Variants in GLP2R observed in about 807,000 individuals in gnomAD.
GLP2R encodes the protein glucagon-like peptide 2 receptor.
Under a neutral mutation model 68.2 loss-of-function variants are expected in GLP2R, and 59 were observed. The ratio of observed to expected loss-of-function variants is 0.87; its 90% CI spans 0.70 to 1.07. The LOEUF (loss-of-function observed/expected upper bound fraction) is 1.07. Among genes scored for constraint, GLP2R ranks in the 50% least tolerant of loss-of-function variants. The probability of loss-of-function intolerance (pLI) is 0.00; values close to 1 mark genes in which losing one functional copy is unlikely to be tolerated. For missense variants in GLP2R, 548 were observed against 677.4 expected (o/e 0.81, Z 2.12); for synonymous variants, 270 against 265.4 (o/e 1.02, Z -0.17).
At chr17:9,840,222 G>A (rs941171441) in intron 3 of GLP2R, among the ~76,000 whole-genome samples, 3 of 152,114 alleles carry the variant, frequency 2.0e-5, no homozygotes, top group Non-Finnish European at 2.9e-5. Flanking sequence ...TGAACCTCCC[G>A]CCTTGGCCTC....
At chr17:9,868,411 T>A (rs2067060764) in intron 9 of GLP2R, among the ~76,000 whole-genome samples, 1 of 152,138 alleles carries the variant, frequency 6.6e-6, no homozygotes, top group East Asian at 1.9e-4. Flanking sequence ...GAAGCTGGGG[T>A]AACAAGAAAG....
intron 6 of GLP2R, among the ~76,000 whole-genome samples, chr17:9,858,175 T>C (rs185969163): frequency 6.6e-6 from 1 of 152,294 alleles, no homozygotes; most frequent in East Asian, 1.9e-4. Flanking sequence ...CCACAGGGGG[T>C]CCTAGAAACA....
intron 1 of GLP2R, among the ~76,000 whole-genome samples, chr17:9,827,665 C>T (rs1030984617): frequency 6.6e-6 from 1 of 152,068 alleles, no homozygotes; most frequent in African/African-American, 2.4e-5. Flanking sequence ...ACGAAAGTAG[C>T]TTAAGGAATG....
chr17:9,857,129 C>T (rs956400767), intron 5 of GLP2R, among the ~76,000 whole-genome samples: 1 of 152,140 alleles, frequency 6.6e-6, no homozygotes, highest in Non-Finnish European at 1.5e-5. Context: ...ACCATGTTGG[C>T]CAGGGTGGTC....
At chr17:9,846,299 GGGGCGATACCACA>G (rs1296316117) in intron 4 of GLP2R, among the ~76,000 whole-genome samples, 1 of 152,084 alleles carries the variant, frequency 6.6e-6, no homozygotes, top group African/African-American at 2.4e-5. Context: ...GGGTAGATAT[GGGGCGATACCACA>G]TAAAGTTTAA....
chr17:9,826,262 G>A lies in GLP2R; in HGVS notation c.189+10G>A. ...GGTTTCCATCAAGCAAGTAAGAGCA[G>A]TTCATTATTATTATTATTATCAGTT... is the stretch of plus-strand genomic sequence containing the variant. On this transcript the variant is annotated intron_variant, in intron 1 of 12. Coordinates refer to ENST00000262441, the MANE Select transcript of GLP2R (RefSeq NM_004246.3). 2.0e-6 allele frequency: 3 copies of A among 1,535,306 alleles called. No individual in the cohort carries two copies. The highest frequency in any genetic ancestry group is 2.6e-6 in the Non-Finnish European group (3 of 1,144,064).
chr17:9,874,666 AC>A (rs558410454), intron 10 of GLP2R, among the ~76,000 whole-genome samples: 1 of 152,168 alleles, frequency 6.6e-6, no homozygotes, highest in Non-Finnish European at 1.5e-5. Context: ...AGCTGAGCTC[AC>A]AATATATATA....
chr17:9,828,489 G>T (rs55881191), intron 1 of GLP2R, among the ~76,000 whole-genome samples: 36,633 of 152,174 alleles, frequency 0.24, 5,635 homozygotes, highest in Non-Finnish European at 0.35. Context: ...GCCAAGCCCT[G>T]AGACAGCGCT....
Position 9,842,501 on chromosome 17 carries a change from C to T in GLP2R, c.389C>T (p.Ser130Leu). Residue 130 changes from serine to leucine, a missense_variant, in exon 4 of 13, where the codon TCA becomes TTA. Physicochemically the swap from Ser to Leu is moderately radical, Grantham distance 145 (BLOSUM62 -2). Coordinates refer to ENST00000262441, the MANE Select transcript of GLP2R (RefSeq NM_004246.3). Reference protein sequence around the residue: ...SYLPWWSEESSGRAYRHCLAQ... With the variant: ...SYLPWWSEESLGRAYRHCLAQ... ...GAGCTTTGTTTACTTTCAGAGAGCT[C>T]AGGAAGGGCCTACAGACACTGCTTG... 1 of 1,614,112 alleles carries T rather than the reference C, an allele frequency of 6.2e-7. No individual in the cohort carries two copies. Among genetic ancestry groups the T allele is most frequent in the Non-Finnish European group, 8.5e-7 (1 of 1,180,016 alleles).
intron 8 of GLP2R, 108 bp downstream of exon 8, chr17:9,861,307 T>C (rs2066985561): frequency 1.3e-6 from 1 of 768,562 alleles, no homozygotes; most frequent in Non-Finnish European, 2.3e-6. Context: ...TCCCTTCTCA[T>C]TTTGGCCATC....
chr17:9,836,240 A>G (rs1175231462), intron 2 of GLP2R, 131 bp from the exon 3 acceptor site: 8 of 659,286 alleles, frequency 1.2e-5, no homozygotes, highest in Admixed American at 4.7e-5. Flanking sequence ...TGGGGCACCC[A>G]TGCTGGTTTC....
rs1486994283 is a variant in GLP2R, at chr17:9,859,943, T to C, written c.767T>C (p.Met256Thr). 2 of 1,600,072 alleles carry C rather than the reference T, an allele frequency of 1.2e-6. No homozygotes were observed. The highest frequency in any genetic ancestry group is 1.7e-6 in the Non-Finnish European group (2 of 1,172,956). Residue 256 changes from methionine to threonine, a missense_variant and splice_region_variant, in exon 7 of 13, where the codon ATG (methionine) becomes ACG (threonine). Met to Thr is a moderately conservative substitution (Grantham distance 81, BLOSUM62 -1). Transcript: ENST00000262441. ...CCTCAGGTGTTTTTTCCTCTGCAGA[T>C]GTCCACCTCCTGCCGCTCAGTCCAG... is the stretch of plus-strand genomic sequence containing the variant. Reference protein sequence around the residue: ...ENGWMSYLSEMSTSCRSVQVL... With the variant: ...ENGWMSYLSETSTSCRSVQVL...
At chr17:9,838,186 G>C (rs899181118) in intron 3 of GLP2R, among the ~76,000 whole-genome samples, 1 of 152,104 alleles carries the variant, frequency 6.6e-6, no homozygotes, top group African/African-American at 2.4e-5. Context: ...AAGAGCACTG[G>C]GTGTGGAGTC....
intron 7 of GLP2R, among the ~76,000 whole-genome samples, chr17:9,860,457 T>C (rs551707099): frequency 6.6e-6 from 1 of 152,266 alleles, no homozygotes; most frequent in East Asian, 1.9e-4. Context: ...TTCTGGAGGG[T>C]GGGAAGTTCA....
rs1018593156 is a variant in GLP2R, at chr17:9,891,402, A to C, written c.*1697A>C. ...ACAAATTAACAAACTACAGCCCATGAGCCATTTATAGAAATGAAATTTGAT... is the reference window on the plus strand; with the variant it reads ...ACAAATTAACAAACTACAGCCCATGCGCCATTTATAGAAATGAAATTTGAT... On this transcript the variant is annotated 3_prime_UTR_variant, in exon 13 of 13. Transcript: ENST00000262441. The C allele has an allele frequency of 6.6e-6, 1 of 152,218 alleles. No individual in the cohort carries two copies. The highest frequency in any genetic ancestry group is 2.4e-5 in the African/African-American group (1 of 41,452). The allele number at this position is 152,218 out of a possible 1,614,324, so 9.4% of individuals were successfully genotyped here. A position where few individuals can be genotyped will look rare whatever the true frequency, so the allele number is the denominator to read the frequency against.
intron 10 of GLP2R, among the ~76,000 whole-genome samples, chr17:9,879,267 AAAATAAAATAAAATAAAATAAAAT>A (rs1451971020): frequency 0.15 from 2,805 of 18,220 alleles, 169 homozygotes; most frequent in African/African-American, 0.42. Flanking sequence ...AAAATAAAAT[AAAATAAAATAAAATAAAATAAAAT>A]AAATAAAATA....
intron 9 of GLP2R, 39 bp downstream of exon 9, chr17:9,862,129 A>G (rs1470255545): frequency 1.3e-6 from 2 of 1,486,172 alleles, no homozygotes; most frequent in East Asian, 2.3e-5. Context: ...CTCGGAGCCT[A>G]GCAGCTGTGG....
At chr17:9,858,062 C>T (rs1050818138) in intron 6 of GLP2R, among the ~76,000 whole-genome samples, 1 of 152,136 alleles carries the variant, frequency 6.6e-6, no homozygotes, top group Non-Finnish European at 1.5e-5. Context: ...GTATTACAAG[C>T]AATCTAGCGA....
rs535154980 is a variant in GLP2R at position 9,834,031 on chromosome 17, G to T, written c.277+137G>T. On this transcript the variant is annotated intron_variant, in intron 2 of 12. Coordinates refer to ENST00000262441, the MANE Select transcript of GLP2R (RefSeq NM_004246.3). ...ATTCAGACAGGGCACACTGGGGATGGCTTGTTTCCGCTCTGTAATGTCTAG... is the reference window on the plus strand; with the variant it reads ...ATTCAGACAGGGCACACTGGGGATGTCTTGTTTCCGCTCTGTAATGTCTAG... The T allele has an allele frequency of 8.5e-6, 6 of 709,066 alleles. No individual in the cohort carries two copies. In the South Asian group the frequency reaches 9.4e-5, roughly 11 times the overall value. The allele number at this position is 709,066 out of a possible 1,614,324, so 43.9% of individuals were successfully genotyped here. A position where few individuals can be genotyped will look rare whatever the true frequency, so the allele number is the denominator to read the frequency against.
Sources: allele counts gnomAD v4.1 joint callset (sites outside exome capture counted in the v4.1 genomes callset), GRCh38; gene constraint gnomAD v4.1.1; transcripts MANE v1.5; gene names NCBI Gene and HGNC (gene_info 2026-07-23, HGNC 2026-07-21).